Variants in PAWR observed in about 807,000 individuals in gnomAD.
The protein encoded by PAWR is PRKC apoptosis WT1 regulator protein.
PAWR carries 23 observed loss-of-function variants against 32.0 expected under a neutral mutation model. That is an observed-to-expected ratio of 0.72 (90% confidence interval 0.52 to 1.02). PAWR has a LOEUF of 1.02. Ranked by LOEUF, PAWR falls within the 50% of genes least tolerant of loss-of-function variation. The pLI is 0.00. For synonymous variants in PAWR, 226 were observed against 187.1 expected, an observed-to-expected ratio of 1.21 and a Z score of -1.70; for missense variants, 457 against 437.7, an observed-to-expected ratio of 1.04 and a Z score of -0.39.
intron 2 of PAWR, among the ~76,000 whole-genome samples, chr12:79,621,663 A>G (rs1215959885): frequency 6.6e-6 from 1 of 152,338 alleles, no homozygotes; most frequent in Non-Finnish European, 1.5e-5. Context: ...TTCTATGAGC[A>G]TATAAAGGAA....
intron 3 of PAWR, among the ~76,000 whole-genome samples, chr12:79,619,850 A>G (rs1241348502): frequency 1.3e-5 from 2 of 152,238 alleles, no homozygotes; most frequent in African/African-American, 4.8e-5. Flanking sequence ...GGCAAAGCAC[A>G]AACTGTTTTG....
chr12:79,690,468 G>T, intron 1 of PAWR, 77 bp from the exon 2 acceptor site: 1 of 943,988 alleles, frequency 1.1e-6, no homozygotes, highest in Non-Finnish European at 1.4e-6. Flanking sequence ...CCCCCGGGCT[G>T]CGCCCCTTGG....
intron 2 of PAWR, among the ~76,000 whole-genome samples, chr12:79,681,137 G>A (rs1161961132): frequency 1.7e-4 from 23 of 138,962 alleles, no homozygotes; most frequent in African/African-American, 5.9e-4. Context: ...GGGAGGGGAG[G>A]GGAGGGGTGG....
At chr12:79,664,847 T>C (rs755624616) in intron 2 of PAWR, among the ~76,000 whole-genome samples, 11 of 152,064 alleles carry the variant, frequency 7.2e-5, no homozygotes, top group Non-Finnish European at 1.5e-4. Context: ...AAAATAGTGA[T>C]TATTGTGCAA....
rs142994156 is a variant in PAWR at position 79,616,868 on chromosome 12, G to A, written c.649-3259C>T. ...AAGTAATTGCGGGTTTGCCATTACA[G>A]TCATTCCATGCTCATGTCTGAGACA... On this transcript the variant is annotated intron_variant, in intron 3 of 6. Transcript: ENST00000328827. 1.1e-3 allele frequency among the ~76,000 whole-genome samples: 160 copies of A among 152,244 alleles called. 1 individual carries two copies. Among genetic ancestry groups the A allele is most frequent in the African/African-American group, 3.4e-3 (140 of 41,562 alleles).
chr12:79,629,839 C>T (rs1875522343), intron 2 of PAWR, among the ~76,000 whole-genome samples: 1 of 151,978 alleles, frequency 6.6e-6, no homozygotes, highest in Non-Finnish European at 1.5e-5. Flanking sequence ...CAGAAAGCTA[C>T]CTGAAAAATC....
chr12:79,659,662 T>C (rs1877258091), intron 2 of PAWR, among the ~76,000 whole-genome samples: 1 of 152,238 alleles, frequency 6.6e-6, no homozygotes, highest in Non-Finnish European at 1.5e-5. Flanking sequence ...TATTGTATTC[T>C]TATACAACTA....
chr12:79,671,123 TA>T (rs80196711), intron 2 of PAWR, among the ~76,000 whole-genome samples: 1,473 of 98,980 alleles, frequency 0.015, 24 homozygotes, highest in African/African-American at 0.045. Flanking sequence ...CCTTAGCACT[TA>T]AAAAAAAAAA....
rs55876521 is a variant in PAWR at position 79,641,631 on chromosome 12, G to A, written c.517-20424C>T. On this transcript the variant is annotated intron_variant, in intron 2 of 6. Coordinates refer to ENST00000328827, the MANE Select transcript of PAWR (RefSeq NM_002583.4). Reference sequence around the variant, plus strand: ...TGGGAGGCCGAGGTGGGCGGATCACGAGATCAGGAGATCGAGACCATCCTG... The same window carrying A: ...TGGGAGGCCGAGGTGGGCGGATCACAAGATCAGGAGATCGAGACCATCCTG... Among the ~76,000 whole-genome samples, 491 of 151,938 alleles carry A rather than the reference G, an allele frequency of 3.2e-3. 6 individuals carry two copies. Among genetic ancestry groups the A allele is most frequent in the African/African-American group, 0.011 (436 of 41,478 alleles).
At chr12:79,592,911 T>A (rs1321461365) in intron 6 of PAWR, among the ~76,000 whole-genome samples, 1 of 152,178 alleles carries the variant, frequency 6.6e-6, no homozygotes, top group East Asian at 1.9e-4. Flanking sequence ...CTCTTACAGA[T>A]CTTTCAGTTT....
At position 79,652,085 on chromosome 12, in the gene PAWR, G is replaced by A. The variant is rs182434971; in HGVS notation, c.517-30878C>T. Among the ~76,000 whole-genome samples the A allele has an allele frequency of 4.2e-3, 632 of 152,244 alleles. 18 individuals carry two copies. The highest frequency in any genetic ancestry group is 0.037 in the Admixed American group (569 of 15,286). On this transcript the variant is annotated intron_variant, in intron 2 of 6. Transcript: ENST00000328827. ...CAAAGTAGAATGGTGGTTGGCCAGA[G>A]GGGGGTGGGAAATTAGGAGTTATTG...
At chr12:79,668,164 A>C (rs1048811540) in intron 2 of PAWR, 3 of 152,230 alleles carry the variant, frequency 2.0e-5, no homozygotes, top group African/African-American at 4.8e-5. Context: ...CAGCCTCCCA[A>C]AGTGCTGGCC....
chr12:79,632,349 A>G lies in PAWR; in HGVS notation c.517-11142T>C, dbSNP rs866507182. 1.5e-3 allele frequency among the ~76,000 whole-genome samples: 49 copies of G among 33,580 alleles called. 4 individuals are homozygous for G. The Middle Eastern group carries it at 0.03, about 21-fold the overall frequency. 22.0% of individuals were successfully genotyped at this position (33,580 alleles called of 152,430 possible). A position where few individuals can be genotyped will look rare whatever the true frequency, so the allele number is the denominator to read the frequency against. On this transcript the variant is annotated intron_variant, in intron 2 of 6. Coordinates refer to ENST00000328827, the MANE Select transcript of PAWR (RefSeq NM_002583.4). The stretch of plus-strand genomic sequence containing the variant: ...TATATATATATATATATATATATAT[A>G]TATATATATATATTTTTTTTTTTTT...
At chr12:79,669,245 T>C (rs1221068551) in intron 2 of PAWR, among the ~76,000 whole-genome samples, 1 of 152,178 alleles carries the variant, frequency 6.6e-6, no homozygotes, top group Admixed American at 6.5e-5. Context: ...TCTTGTACAA[T>C]GATGTTAATA....
intron 5 of PAWR, 121 bp downstream of exon 5, chr12:79,596,390 A>G: frequency 1.8e-6 from 1 of 570,678 alleles, no homozygotes; most frequent in Non-Finnish European, 3.0e-6. Flanking sequence ...AACAGTTGGC[A>G]GAAAAGCGCA....
intron 2 of PAWR, among the ~76,000 whole-genome samples, chr12:79,640,018 C>T (rs570980031): frequency 6.6e-6 from 1 of 152,136 alleles, no homozygotes; most frequent in East Asian, 1.9e-4. Context: ...AATTCTCCTG[C>T]CTCAGCCTCC....
intron 2 of PAWR, among the ~76,000 whole-genome samples, chr12:79,644,293 C>T (rs1453340402): frequency 2.0e-5 from 3 of 152,156 alleles, no homozygotes; most frequent in Non-Finnish European, 4.4e-5. Flanking sequence ...TCAACTTTGA[C>T]ATTTACTGAA....
chr12:79,655,148 T>C (rs1877036899), intron 2 of PAWR, among the ~76,000 whole-genome samples: 1 of 152,194 alleles, frequency 6.6e-6, no homozygotes, highest in African/African-American at 2.4e-5. Context: ...TTGTTAAGAA[T>C]AGAATGTCAG....
intron 2 of PAWR, among the ~76,000 whole-genome samples, chr12:79,628,836 T>G (rs569905437): frequency 6.6e-6 from 1 of 151,906 alleles, no homozygotes; most frequent in South Asian, 2.1e-4. Flanking sequence ...TTATAACACA[T>G]GGAAAGGTAA....
Sources: gnomAD v4.1 joint callset for allele counts (sites outside exome capture counted in the v4.1 genomes callset) on GRCh38, gnomAD v4.1.1 for gene constraint, MANE v1.5 for transcripts, NCBI Gene and HGNC (gene_info 2026-07-23, HGNC 2026-07-21) for gene names.